Variants in PDE4B observed in about 807,000 individuals in gnomAD.
PDE4B encodes the protein phosphodiesterase 4B.
In PDE4B, 20 loss-of-function variants were observed where a neutral mutation model predicts 82.2. The observed-to-expected ratio is 0.24, with a 90% CI of 0.17 to 0.35. PDE4B has a LOEUF of 0.35. Among genes scored for constraint, PDE4B ranks in the 10% least tolerant of loss-of-function variants. PDE4B has a pLI of 1.00. For missense variants in PDE4B, 655 were observed against 907.2 expected (o/e 0.72, Z 3.57); for synonymous variants, 320 against 318.9 (o/e 1.00, Z -0.04).
chr1:66,252,242 C>T (rs966075389), intron 4 of PDE4B, among the ~76,000 whole-genome samples: 1 of 152,104 alleles, frequency 6.6e-6, no homozygotes, highest in Non-Finnish European at 1.5e-5. Flanking sequence ...CATGAAAGTG[C>T]TTTGTAAACT....
At chr1:65,858,558 G>A (rs777105016) in intron 1 of PDE4B, among the ~76,000 whole-genome samples, 8 of 152,044 alleles carry the variant, frequency 5.3e-5, no homozygotes, top group Non-Finnish European at 8.8e-5. Context: ...TATGACATTC[G>A]ATGTTGATTA....
At chr1:66,180,942 G>A (rs1278644145) in intron 3 of PDE4B, among the ~76,000 whole-genome samples, 1 of 152,180 alleles carries the variant, frequency 6.6e-6, no homozygotes, top group Non-Finnish European at 1.5e-5. Context: ...GTCCCATTTA[G>A]AGTGTCTCTG....
In PDE4B at chr1:66,153,251, T is replaced by TCCAAC. The variant is rs1236358315; in HGVS notation, c.282-94205_282-94201dup. 5.9e-5 allele frequency among the ~76,000 whole-genome samples: 9 copies of TCCAAC among 152,318 alleles called. No homozygotes were observed. The East Asian group carries it at 1.7e-3, about 29-fold the overall frequency. On this transcript the variant is annotated intron_variant, in intron 3 of 16. Transcript: ENST00000341517. ...CTCTAGATTCTCTCTCCTCCCAGTG[T>TCCAAC]CCAACCCAGTTGTCAAATTCCTACT...
intron 1 of PDE4B, among the ~76,000 whole-genome samples, chr1:65,862,443 C>A (rs556104354): frequency 1.3e-5 from 2 of 152,098 alleles, no homozygotes; most frequent in Admixed American, 1.3e-4. Flanking sequence ...CAACTGGATT[C>A]GGTTTGCCAG....
intron 3 of PDE4B, among the ~76,000 whole-genome samples, chr1:66,110,934 A>C (rs576069711): frequency 6.6e-6 from 1 of 152,086 alleles, no homozygotes; most frequent in Non-Finnish European, 1.5e-5. Flanking sequence ...GCAGAATTGG[A>C]TAAGTCAGGA....
intron 3 of PDE4B, among the ~76,000 whole-genome samples, chr1:66,035,060 T>TTATCTGC (rs1388427046): frequency 6.6e-6 from 1 of 152,248 alleles, no homozygotes; most frequent in East Asian, 1.9e-4. Flanking sequence ...CTCTGCATAC[T>TTATCTGC]AATCTTTCAG....
rs547383411 is a variant in PDE4B, at chr1:66,204,569, C to G, written c.282-42891C>G. 2.0e-5 allele frequency among the ~76,000 whole-genome samples: 3 copies of G among 152,328 alleles called. No homozygotes were observed. In the East Asian group the frequency reaches 5.8e-4, roughly 29 times the overall value. On this transcript the variant is annotated intron_variant, in intron 3 of 16. Coordinates refer to ENST00000341517, the MANE Select transcript of PDE4B (RefSeq NM_002600.4). ...ATGGCAGGTGCCCCTCCCCCAGCCTCACTGCCACCTTGCAGTCTGATCTCA... is the reference window on the plus strand; with the variant it reads ...ATGGCAGGTGCCCCTCCCCCAGCCTGACTGCCACCTTGCAGTCTGATCTCA...
chr1:66,241,485 T>G (rs1652881954), intron 3 of PDE4B, among the ~76,000 whole-genome samples: 1 of 152,210 alleles, frequency 6.6e-6, no homozygotes, highest in African/African-American at 2.4e-5. Context: ...AGACAAGCAT[T>G]TGAAGACATT....
intron 8 of PDE4B, among the ~76,000 whole-genome samples, chr1:66,346,474 C>A (rs1408500843): frequency 3.9e-5 from 6 of 152,134 alleles, no homozygotes; most frequent in African/African-American, 1.4e-4. Flanking sequence ...AAGCATAAGA[C>A]CATTTTGAGT....
At chr1:65,810,145 C>T (rs1645803131) in intron 1 of PDE4B, among the ~76,000 whole-genome samples, 1 of 152,232 alleles carries the variant, frequency 6.6e-6, no homozygotes, top group African/African-American at 2.4e-5. Flanking sequence ...AGAAACAGGG[C>T]TTCTCCAAGG....
In PDE4B at chr1:65,808,479, T is replaced by C. The variant is rs143207441; in HGVS notation, c.-71+15231T>C. Among the ~76,000 whole-genome samples, 1,243 of 152,296 alleles carry C rather than the reference T, an allele frequency of 8.2e-3. 12 individuals are homozygous for C. The highest frequency in any genetic ancestry group is 0.029 in the African/African-American group (1,186 of 41,556). ...GCCATTATCCTCAGCTGGAAGAGCA[T>C]AAATGTTTGAAGGCAGACAGTATAA... On this transcript the variant is annotated intron_variant, in intron 1 of 16. Coordinates refer to ENST00000341517, the MANE Select transcript of PDE4B (RefSeq NM_002600.4).
At chr1:65,919,785 AGT>A (rs1647205240) in intron 3 of PDE4B, among the ~76,000 whole-genome samples, 1 of 152,168 alleles carries the variant, frequency 6.6e-6, no homozygotes, top group Admixed American at 6.5e-5. Context: ...AGGGCTGATG[AGT>A]AGCCCAGTAT....
chr1:65,932,546 C>T (rs944185381), intron 3 of PDE4B, among the ~76,000 whole-genome samples: 3 of 151,922 alleles, frequency 2.0e-5, no homozygotes, highest in African/African-American at 7.3e-5. Context: ...ACCAACCCTA[C>T]ACAAAGAGTC....
At chr1:66,084,717 G>C (rs1328725017) in intron 3 of PDE4B, among the ~76,000 whole-genome samples, 6 of 152,094 alleles carry the variant, frequency 3.9e-5, no homozygotes, top group African/African-American at 1.4e-4. Flanking sequence ...CCTGCTTTTA[G>C]TCTTTTTTCA....
At chr1:66,088,425 A>G (rs181680130) in intron 3 of PDE4B, among the ~76,000 whole-genome samples, 54 of 152,214 alleles carry the variant, frequency 3.5e-4, no homozygotes, top group Non-Finnish European at 5.0e-4. Flanking sequence ...ATTTGGGAGC[A>G]TGGGGACTAA....
rs542625446 is a variant in PDE4B, at chr1:65,863,560, G to C, written c.-70-49685G>C. Among the ~76,000 whole-genome samples, 22 of 152,284 alleles carry C rather than the reference G, an allele frequency of 1.4e-4. 1 individual carries two copies. The South Asian group carries it at 4.4e-3, about 30-fold the overall frequency. ...CTGAGTTCAAGTCCTGAATATGCTT[G>C]CTAATTTTCTGTCTTGTTGATCTGT... On this transcript the variant is annotated intron_variant, in intron 1 of 16. Transcript: ENST00000341517.
At chr1:66,316,204 T>G (rs980349227) in intron 7 of PDE4B, among the ~76,000 whole-genome samples, 1 of 152,262 alleles carries the variant, frequency 6.6e-6, no homozygotes, top group African/African-American at 2.4e-5. Context: ...AAATGTCTGC[T>G]GTATGTTTCT....
At chr1:66,022,590 T>C (rs572185259) in intron 3 of PDE4B, among the ~76,000 whole-genome samples, 70 of 152,352 alleles carry the variant, frequency 4.6e-4, no homozygotes, top group African/African-American at 1.6e-3. Context: ...TTTGATTCTA[T>C]TTATATGCTG....
intron 3 of PDE4B, among the ~76,000 whole-genome samples, chr1:66,109,352 G>C (rs914190211): frequency 1.8e-4 from 28 of 151,948 alleles, no homozygotes; most frequent in African/African-American, 6.7e-4. Context: ...TTTTCATATA[G>C]AAGTAATTTT....
Sources: gnomAD v4.1 joint callset for allele counts (sites outside exome capture counted in the v4.1 genomes callset) on GRCh38, gnomAD v4.1.1 for gene constraint, MANE v1.5 for transcripts, NCBI Gene and HGNC (gene_info 2026-07-23, HGNC 2026-07-21) for gene names.